Variants in LRRC43 observed in about 807,000 individuals in gnomAD.
LRRC43 encodes the protein leucine-rich repeat-containing protein 43.
In LRRC43, 62 loss-of-function variants were observed where a neutral mutation model predicts 64.3. The ratio of observed to expected loss-of-function variants is 0.96; its 90% CI spans 0.79 to 1.19. The LOEUF (loss-of-function observed/expected upper bound fraction) is 1.19. Ranked by LOEUF, LRRC43 falls within the 50% of genes most tolerant of loss-of-function variation. LRRC43 has a pLI of 0.00. For synonymous variants in LRRC43, 422 were observed against 382.3 expected (o/e 1.10, Z -1.21); for missense variants, 868 against 845.0 (o/e 1.03, Z -0.34).
At position 122,184,711 on chromosome 12, in the gene LRRC43, A is replaced by G; in HGVS notation, c.343A>G (p.Asn115Asp). 1 of 1,613,840 alleles carries G rather than the reference A, an allele frequency of 6.2e-7. No individual in the cohort carries two copies. Among genetic ancestry groups the G allele is most frequent in the South Asian group, 1.1e-5 (1 of 91,032 alleles). ...DSFLRELAIR[N>D]PLTITDTFFY... ...TTTCCTGAGAGAATTGGCCATCCGGAACCCGCTGACGATCACAGACACCTT... is the reference window on the plus strand; with the variant it reads ...TTTCCTGAGAGAATTGGCCATCCGGGACCCGCTGACGATCACAGACACCTT... Residue 115 changes from asparagine to aspartate, a missense_variant, in exon 2 of 12, where the codon AAC becomes GAC. By Grantham distance (23) the Asn-to-Asp change is conservative. Coordinates refer to ENST00000339777, the MANE Select transcript of LRRC43 (RefSeq NM_001098519.2). The surrounding 1 kb of genome is among the most constrained non-coding windows in gnomAD (Gnocchi z 4.0).
chr12:122,193,046 T>C (rs373930848), intron 7 of LRRC43, 42 bp downstream of exon 7: 15 of 1,601,740 alleles, frequency 9.4e-6, no homozygotes, highest in African/African-American at 1.3e-5. Context: ...GTCAGAGCAG[T>C]AGGGTCACGA....
chr12:122,189,328 C>G (rs1177530587), intron 4 of LRRC43: 3 of 436,172 alleles, frequency 6.9e-6, no homozygotes, highest in Non-Finnish European at 1.4e-5. Context: ...CTCTACATGC[C>G]TGGAGCGGGC....
chr12:122,187,965 C>A, intron 4 of LRRC43, 125 bp downstream of exon 4: 8 of 947,806 alleles, frequency 8.4e-6, no homozygotes, highest in Non-Finnish European at 1.3e-5. Flanking sequence ...GCTGCTAAAT[C>A]CAGACTTATG....
intron 11 of LRRC43, among the ~76,000 whole-genome samples, chr12:122,203,023 G>A (rs1953861268): frequency 1.3e-5 from 2 of 152,232 alleles, no homozygotes; most frequent in South Asian, 2.1e-4. Flanking sequence ...CCTGGGAGGC[G>A]GAGGTTGCAG....
At chr12:122,186,160 C>A in intron 2 of LRRC43, 30 bp from the exon 3 acceptor site, 2 of 1,300,214 alleles carry the variant, frequency 1.5e-6, no homozygotes, top group Non-Finnish European at 1.1e-6. Flanking sequence ...TCTCCTGCTA[C>A]AGCCCTCAGC....
At chr12:122,180,022 A>G (rs1373133066), upstream of LRRC43, among the ~76,000 whole-genome samples, 3 of 151,810 alleles carry the variant, frequency 2.0e-5, no homozygotes, top group Non-Finnish European at 4.4e-5. Context: ...CCAGAAATAC[A>G]TGTTGTCATG....
chr12:122,192,974 G>GT lies in LRRC43; in HGVS notation c.1320dup (p.Ile441TyrfsTer23), dbSNP rs1365264747. Reference sequence around the variant, plus strand: ...GAAGAGCTGGCCAAGTTGAGGCTGCGTATAGATCCCCGGCTCTGCCCGTCC... The same window carrying GT: ...GAAGAGCTGGCCAAGTTGAGGCTGCGTTATAGATCCCCGGCTCTGCCCGTCC... On this transcript the variant is annotated frameshift_variant, in exon 7 of 12. Coordinates refer to ENST00000339777, the MANE Select transcript of LRRC43 (RefSeq NM_001098519.2). LOFTEE classifies it high-confidence loss of function. The GT allele has an allele frequency of 1.9e-6, 3 of 1,613,866 alleles. No individual in the cohort carries two copies.
chr12:122,191,685 C>A, intron 6 of LRRC43, 118 bp downstream of exon 6: 1 of 794,374 alleles, frequency 1.3e-6, no homozygotes, highest in Non-Finnish European at 1.9e-6. Context: ...GGAGGAGTCT[C>A]GCTCTGTCAC....
At position 122,183,155 on chromosome 12, in the gene LRRC43, C is replaced by CGTACGAGTCCGA; in HGVS notation, c.14_25dup (p.Tyr5_Glu8dup). ...AACGCGGCCCGGGCCATGGAGGCGT[C>CGTACGAGTCCGA]GTACGAGTCCGAGTCCGAGTCCGAG... On this transcript the variant is annotated inframe_insertion, in exon 1 of 12. Transcript: ENST00000339777. 1 of 1,546,090 alleles carries CGTACGAGTCCGA rather than the reference C, an allele frequency of 6.5e-7. No individual in the cohort carries two copies. Among genetic ancestry groups the CGTACGAGTCCGA allele is most frequent in the South Asian group, 1.2e-5 (1 of 84,992 alleles).
intron 7 of LRRC43, among the ~76,000 whole-genome samples, chr12:122,198,274 AC>A (rs1164464177): frequency 1.3e-5 from 2 of 152,196 alleles, no homozygotes; most frequent in African/African-American, 4.8e-5. Context: ...GGCATGAGCC[AC>A]TGCGCCCGGC....
chr12:122,195,542 A>G (rs916839041), intron 7 of LRRC43, among the ~76,000 whole-genome samples: 7 of 151,998 alleles, frequency 4.6e-5, no homozygotes, highest in Non-Finnish European at 8.8e-5. Context: ...TGCCTGGCCT[A>G]CCCTAGAACT....
intron 4 of LRRC43, 147 bp from the exon 5 acceptor site, chr12:122,189,983 T>C (rs1232162344): frequency 1.4e-6 from 1 of 714,900 alleles, no homozygotes; most frequent in East Asian, 2.5e-5. Flanking sequence ...CGACCCGGGG[T>C]TAACTTGGGT....
upstream of LRRC43, among the ~76,000 whole-genome samples, chr12:122,182,785 G>A (rs570702915): frequency 1.3e-5 from 2 of 152,270 alleles, no homozygotes; most frequent in East Asian, 3.9e-4. Context: ...TGACTCCAGG[G>A]TTAGAGAGAC....
At chr12:122,182,282 G>C (rs923008415), upstream of LRRC43, among the ~76,000 whole-genome samples, 1 of 152,006 alleles carries the variant, frequency 6.6e-6, no homozygotes, top group African/African-American at 2.4e-5. Context: ...CCAGCACTTG[G>C]GGAGACCGAG....
intron 11 of LRRC43, 134 bp from the exon 12 acceptor site, chr12:122,203,181 G>A: frequency 1.2e-6 from 1 of 810,396 alleles, no homozygotes. Context: ...TCTTATTACT[G>A]TTAACACCCG....
At chr12:122,174,214 G>A (rs1953517400) in intron 1 of LRRC43, 2 of 1,613,568 alleles carry the variant, frequency 1.2e-6, no homozygotes, top group Non-Finnish European at 1.7e-6. Context: ...GGCTTCTGGA[G>A]CCAGATGTGT....
At chr12:122,174,116 G>A (rs1436146571) in intron 1 of LRRC43, 1 of 1,614,140 alleles carries the variant, frequency 6.2e-7, no homozygotes, top group Non-Finnish European at 8.5e-7. Flanking sequence ...GGTGAGATAA[G>A]ATGATGCCCA....
chr12:122,187,122 T>C (rs1423849492), intron 3 of LRRC43, among the ~76,000 whole-genome samples: 2 of 150,940 alleles, frequency 1.3e-5, no homozygotes, highest in African/African-American at 4.9e-5. Context: ...TAGCAGCTAC[T>C]CAGGAGGCTG....
At chr12:122,174,455 T>C (rs571604918) in intron 1 of LRRC43, among the ~76,000 whole-genome samples, 1 of 152,332 alleles carries the variant, frequency 6.6e-6, no homozygotes, top group East Asian at 1.9e-4. Flanking sequence ...TGAATGCATC[T>C]TTGCCATTCT....
Sources: allele counts gnomAD v4.1 joint callset (sites outside exome capture counted in the v4.1 genomes callset), GRCh38; gene constraint gnomAD v4.1.1; non-coding constraint Gnocchi (gnomAD v3.1); transcripts MANE v1.5; gene names NCBI Gene and HGNC (gene_info 2026-07-23, HGNC 2026-07-21).